Variants in BTBD9 observed in about 807,000 individuals in gnomAD.
BTBD9 encodes the protein BTB/POZ domain-containing protein 9.
A neutral mutation model predicts 64.3 loss-of-function variants in BTBD9; 49 were observed. The ratio of observed to expected loss-of-function variants is 0.76; its 90% confidence interval spans 0.61 to 0.97. The LOEUF is 0.97. BTBD9 is among the 50% of genes least tolerant of loss of function. The probability of loss-of-function intolerance (pLI) is 0.00; values close to 1 mark genes in which losing one functional copy is unlikely to be tolerated. For synonymous variants in BTBD9, 260 were observed against 274.7 expected (o/e 0.95, Z 0.53); for missense variants, 598 against 762.1 (o/e 0.78, Z 2.53).
chr6:38,363,641 A>T (rs1055207108), intron 6 of BTBD9, among the ~76,000 whole-genome samples: 18 of 152,214 alleles, frequency 1.2e-4, no homozygotes, highest in Non-Finnish European at 4.4e-5. Flanking sequence ...TATTGGCAGG[A>T]TTGTATTTAT....
chr6:38,386,048 C>T (rs1766153812), intron 6 of BTBD9, among the ~76,000 whole-genome samples: 1 of 152,152 alleles, frequency 6.6e-6, no homozygotes. Flanking sequence ...CCCAACTCGG[C>T]CTCCCAAAGT....
chr6:38,622,024 C>T lies in BTBD9; in HGVS notation c.-28+17776G>A, dbSNP rs188696613. On this transcript the variant is annotated intron_variant, in intron 1 of 10. Coordinates refer to ENST00000481247, the MANE Select transcript of BTBD9 (RefSeq NM_001099272.2). ...ACATTAGAGGGGAAGGTACTCATAC[C>T]CGAAGCCAGCCAGTGGAAAATACTT... 1.2e-4 allele frequency among the ~76,000 whole-genome samples: 18 copies of T among 152,282 alleles called. No homozygotes were observed. The East Asian group carries it at 2.9e-3, about 24-fold the overall frequency.
rs1156392514 is a variant in BTBD9, at chr6:38,171,750, C to G, written c.*3235G>C. ...GCACACACCCTACCTGCCCTACACT[C>G]TCAGTCCACCCCAAATGACCCTCCC... On this transcript the variant is annotated 3_prime_UTR_variant, in exon 11 of 11. Transcript: ENST00000481247. 1 of 149,642 alleles carries G rather than the reference C, an allele frequency of 6.7e-6. No homozygotes were observed. The highest frequency in any genetic ancestry group is 1.5e-5 in the Non-Finnish European group (1 of 67,770). The allele number at this position is 149,642 out of a possible 1,614,324, so 9.3% of individuals were successfully genotyped here. A position where few individuals can be genotyped will look rare whatever the true frequency, so the allele number is the denominator to read the frequency against.
rs1761730338 is a variant in BTBD9, at chr6:38,184,514, G to GCTGGGGGAGAGGCAGTGAA, written c.1641+8004_1641+8005insTTCACTGCCTCTCCCCCAG. On this transcript the variant is annotated intron_variant, in intron 10 of 10. Transcript: ENST00000481247. This position sits in a 1 kb window ranked among gnomAD's most constrained non-coding sequence, Gnocchi z 4.4. Reference sequence around the variant, plus strand: ...GGAACTGGTGCTCTCTGCAGACCAGGAGCTTTTGCAAGGAGAGGGCTGCCT... The same window carrying GCTGGGGGAGAGGCAGTGAA: ...GGAACTGGTGCTCTCTGCAGACCAGGCTGGGGGAGAGGCAGTGAAAGCTTTTGCAAGGAGAGGGCTGCCT... 6.6e-6 allele frequency among the ~76,000 whole-genome samples: 1 copy of GCTGGGGGAGAGGCAGTGAA among 152,112 alleles called. No individual in the cohort carries two copies. The highest frequency in any genetic ancestry group is 6.5e-5 in the Admixed American group (1 of 15,280).
At chr6:38,290,351 G>C (rs1254075000) in intron 7 of BTBD9, among the ~76,000 whole-genome samples, 1 of 151,620 alleles carries the variant, frequency 6.6e-6, no homozygotes, top group Non-Finnish European at 1.5e-5. Context: ...ACTATATTTA[G>C]AAGGTAAGTT....
At chr6:38,571,976 A>ACG (rs1775792976) in intron 6 of BTBD9, among the ~76,000 whole-genome samples, 2 of 150,038 alleles carry the variant, frequency 1.3e-5, no homozygotes, top group African/African-American at 4.9e-5. Context: ...AGAAACAATC[A>ACG]CACACACACA....
chr6:38,414,093 G>C (rs1241738657), intron 6 of BTBD9, among the ~76,000 whole-genome samples: 3 of 152,084 alleles, frequency 2.0e-5, no homozygotes, highest in East Asian at 3.9e-4. Context: ...CAGAAGTTTA[G>C]GTGTTACATT....
intron 6 of BTBD9, among the ~76,000 whole-genome samples, chr6:38,485,683 T>C (rs954102513): frequency 2.6e-5 from 4 of 152,190 alleles, no homozygotes; most frequent in African/African-American, 7.2e-5. Flanking sequence ...CCAGGCTTTG[T>C]TGTTCCATCT....
intron 6 of BTBD9, among the ~76,000 whole-genome samples, chr6:38,383,595 C>T (rs2127616695): frequency 1.3e-5 from 2 of 152,050 alleles, no homozygotes; most frequent in South Asian, 4.2e-4. Context: ...TAGAAATAAA[C>T]CTAACAAAAG....
intron 6 of BTBD9, among the ~76,000 whole-genome samples, chr6:38,412,775 C>T (rs1767489401): frequency 6.6e-6 from 1 of 152,096 alleles, no homozygotes; most frequent in Non-Finnish European, 1.5e-5. Flanking sequence ...TGGAGAATCA[C>T]CTGAACCCAG....
chr6:38,287,853 G>A (rs747312645), intron 8 of BTBD9, among the ~76,000 whole-genome samples: 4 of 152,144 alleles, frequency 2.6e-5, no homozygotes, highest in East Asian at 3.8e-4. Context: ...AAGCCCAGGC[G>A]CAAAGATCAC....
At chr6:38,388,052 A>G (rs1351243935) in intron 6 of BTBD9, among the ~76,000 whole-genome samples, 2 of 152,174 alleles carry the variant, frequency 1.3e-5, no homozygotes, top group Admixed American at 6.5e-5. Context: ...GTGAAATGTA[A>G]TCTCCAAGTG....
chr6:38,526,435 T>C (rs1419548562), intron 6 of BTBD9, among the ~76,000 whole-genome samples: 2 of 152,160 alleles, frequency 1.3e-5, no homozygotes, highest in Non-Finnish European at 2.9e-5. Context: ...ACTAGGGCAA[T>C]GTGGAAGGGA....
intron 6 of BTBD9, among the ~76,000 whole-genome samples, chr6:38,564,076 C>T (rs567190938): frequency 2.6e-5 from 4 of 152,264 alleles, no homozygotes; most frequent in African/African-American, 9.6e-5. Context: ...GCCACCACAC[C>T]TGGCCTTGCC....
chr6:38,223,067 G>A (rs144523068), intron 9 of BTBD9, among the ~76,000 whole-genome samples: 1,932 of 152,128 alleles, frequency 0.013, 24 homozygotes, highest in South Asian at 0.025. Flanking sequence ...CACCACGCCT[G>A]GCTAATTTTT....
At position 38,172,472 on chromosome 6, in the gene BTBD9, GAA is replaced by G. The variant is rs1450787516; in HGVS notation, c.*2511_*2512del. On this transcript the variant is annotated 3_prime_UTR_variant, in exon 11 of 11. Transcript: ENST00000481247. ...GGCCTCCAGGCCCAGCTGGACACAC[GAA>G]AAGAGTTCCTGCCCCAGTCAGAAGG... 6.6e-6 allele frequency: 1 copy of G among 152,396 alleles called. No homozygotes were observed. The highest frequency in any genetic ancestry group is 2.4e-5 in the African/African-American group (1 of 41,450). The allele number at this position is 152,396 out of a possible 1,614,324, so 9.4% of individuals were successfully genotyped here.
intron 4 of BTBD9, among the ~76,000 whole-genome samples, chr6:38,585,665 T>C (rs180987812): frequency 3.1e-4 from 47 of 152,280 alleles, no homozygotes; most frequent in Non-Finnish European, 5.3e-4. Context: ...CTTTATGTGA[T>C]AGATGAGACA....
chr6:38,381,155 C>G (rs868046565), intron 6 of BTBD9, among the ~76,000 whole-genome samples: 1 of 151,992 alleles, frequency 6.6e-6, no homozygotes, highest in Non-Finnish European at 1.5e-5. Context: ...AATTAATGTA[C>G]ATGGACTAAA....
chr6:38,333,399 T>C (rs924303037), intron 7 of BTBD9, among the ~76,000 whole-genome samples: 4 of 152,336 alleles, frequency 2.6e-5, no homozygotes, highest in African/African-American at 9.6e-5. Flanking sequence ...ATTTTCACTC[T>C]TCTGGTAAAA....
Sources: gnomAD v4.1 joint callset for allele counts (sites outside exome capture counted in the v4.1 genomes callset) on GRCh38, gnomAD v4.1.1 for gene constraint, Gnocchi (gnomAD v3.1) non-coding constraint, MANE v1.5 for transcripts, NCBI Gene and HGNC (gene_info 2026-07-23, HGNC 2026-07-21) for gene names.